RGMA: variants seen among roughly 807,000 people sequenced by gnomAD.
RGMA encodes the protein repulsive guidance molecule BMP co-receptor a.
Under a neutral mutation model 23.2 loss-of-function variants are expected in RGMA, and 10 were observed. That is an observed-to-expected ratio of 0.43 (90% confidence interval 0.27 to 0.73). The LOEUF (loss-of-function observed/expected upper bound fraction) is 0.73. Among genes scored for constraint, RGMA ranks in the 30% least tolerant of loss-of-function variants. The pLI is 0.20. For missense variants in RGMA, 547 were observed against 630.5 expected (o/e 0.87, Z 1.42); for synonymous variants, 308 against 279.3 (o/e 1.10, Z -1.03).
At position 93,070,569 on chromosome 15, in the gene RGMA, A is replaced by C. The variant is rs974675984; in HGVS notation, c.130+2347T>G. Among the ~76,000 whole-genome samples the C allele has an allele frequency of 1.8e-4, 27 of 152,334 alleles. 1 individual carries two copies. The highest frequency in any genetic ancestry group is 1.6e-3 in the Admixed American group (24 of 15,310). On this transcript the variant is annotated intron_variant, in intron 2 of 3. Transcript: ENST00000329082. ...TGGGACAGTCTCTCTCTGTTGTGGA[A>C]ATTTCCCATTTCATCCCTTACTTAA... is the stretch of plus-strand genomic sequence containing the variant.
At chr15:93,088,493 G>A in intron 1 of RGMA, 1 of 991,708 alleles carries the variant, frequency 1.0e-6, no homozygotes, top group Non-Finnish European at 1.2e-6. Context: ...GAGATGGCCA[G>A]GCAGCTCCGC....
chr15:93,059,257 A>T (rs1404944729), intron 2 of RGMA, among the ~76,000 whole-genome samples: 1 of 152,220 alleles, frequency 6.6e-6, no homozygotes, highest in African/African-American at 2.4e-5. Flanking sequence ...ATGCAGCCGC[A>T]GACCCATCTG....
chr15:93,072,282 C>G (rs1895352474), intron 2 of RGMA, among the ~76,000 whole-genome samples: 1 of 152,212 alleles, frequency 6.6e-6, no homozygotes, highest in South Asian at 2.1e-4. Flanking sequence ...TCATTGGAAA[C>G]AGATGGGCTT....
At chr15:93,061,391 C>T (rs983462895) in intron 2 of RGMA, among the ~76,000 whole-genome samples, 8 of 152,208 alleles carry the variant, frequency 5.3e-5, no homozygotes, top group African/African-American at 1.9e-4. Flanking sequence ...CTCAGGTGAT[C>T]CACCTGCCTC....
At chr15:93,057,106 C>A (rs2055027038) in intron 2 of RGMA, among the ~76,000 whole-genome samples, 1 of 152,148 alleles carries the variant, frequency 6.6e-6, no homozygotes, top group African/African-American at 2.4e-5. Context: ...GGATCCAGGT[C>A]CCCCAACTCC....
intron 1 of RGMA, chr15:93,073,535 C>T (rs1895410958): frequency 1.4e-6 from 2 of 1,472,590 alleles, no homozygotes; most frequent in Non-Finnish European, 1.8e-6. Context: ...AGTAGAAAAA[C>T]TGTCCTTGGA....
chr15:93,075,971 C>T (rs1178588365), intron 1 of RGMA, among the ~76,000 whole-genome samples: 1 of 152,218 alleles, frequency 6.6e-6, no homozygotes, highest in Non-Finnish European at 1.5e-5. Context: ...AGGAATCTAG[C>T]TATACTGGCT....
chr15:93,080,937 A>G (rs1164039793), intron 1 of RGMA, among the ~76,000 whole-genome samples: 6 of 152,080 alleles, frequency 3.9e-5, no homozygotes, highest in Admixed American at 3.9e-4. Flanking sequence ...CTTGTCTGAG[A>G]CTTCCTATCA....
Position 93,054,449 on chromosome 15 carries a change from G to A in RGMA, c.131-1942C>T, listed in dbSNP as rs546411412. On this transcript the variant is annotated intron_variant, in intron 2 of 3. Transcript: ENST00000329082. ...GGCCAGGTGGAGATAAGTGAATCAG[G>A]AGGTCATTTCCCCCATACTGTTCTG... Among the ~76,000 whole-genome samples, 3 of 152,022 alleles carry A rather than the reference G, an allele frequency of 2.0e-5. No individual in the cohort carries two copies. In the South Asian group the frequency reaches 6.3e-4, roughly 32 times the overall value.
rs372821134 is a variant in RGMA, at chr15:93,069,606, T to C, written c.130+3310A>G. On this transcript the variant is annotated intron_variant, in intron 2 of 3. Transcript: ENST00000329082. ...AAGAAAGTCTGGAGTGCAATAGTTC[T>C]TAGAACAGCGATCCTCAAACTTGAG... Among the ~76,000 whole-genome samples, 3 of 152,244 alleles carry C rather than the reference T, an allele frequency of 2.0e-5. No homozygotes were observed. In the East Asian group the frequency reaches 5.8e-4, roughly 29 times the overall value.
intron 1 of RGMA, among the ~76,000 whole-genome samples, chr15:93,081,321 T>C (rs1895555826): frequency 6.6e-6 from 1 of 152,216 alleles, no homozygotes; most frequent in African/African-American, 2.4e-5. Context: ...TCTGTAACAC[T>C]TCTGCAGTCC....
At chr15:93,071,909 G>A (rs559450093) in intron 2 of RGMA, among the ~76,000 whole-genome samples, 7 of 152,332 alleles carry the variant, frequency 4.6e-5, no homozygotes, top group African/African-American at 1.7e-4. Context: ...GAAACGGCTG[G>A]GAGATCCCGC....
intron 1 of RGMA, among the ~76,000 whole-genome samples, chr15:93,077,637 C>G (rs533420381): frequency 3.2e-4 from 48 of 152,316 alleles, no homozygotes; most frequent in African/African-American, 1.1e-3. Flanking sequence ...AACATAGGAT[C>G]GGTTTAGGGC....
chr15:93,073,484 G>T, intron 1 of RGMA: 3 of 1,208,546 alleles, frequency 2.5e-6, no homozygotes, highest in Non-Finnish European at 3.4e-6. Context: ...ATGAGGCGGG[G>T]CAGGACGCCC....
intron 1 of RGMA, among the ~76,000 whole-genome samples, chr15:93,077,272 G>C (rs1455549975): frequency 6.6e-6 from 1 of 152,228 alleles, no homozygotes; most frequent in Non-Finnish European, 1.5e-5. Context: ...CACTGTGGGA[G>C]ATGTAAAAAG....
Position 93,045,344 on chromosome 15 carries a change from C to T in RGMA, c.1007G>A (p.Gly336Asp). ...GGCTGCCAGCCTGCGGGCACCGGTG[C>T]CCTCAGCATTGGTGTGGAAGGCCTG... ...DFQAFHTNAE[G>D]TGARRLAAAS... Residue 336 changes from glycine (G) to aspartate (D), a missense_variant, in exon 4 of 4, where the codon GGC (glycine) becomes GAC (aspartate). Around this residue, in one of 3 missense-constraint regions of RGMA, gnomAD observed 205 missense variants for 204.1 expected, o/e 1.00. Transcript: ENST00000329082. The surrounding 1 kb of genome is among the most constrained non-coding windows in gnomAD (Gnocchi z 6.9). 6.2e-7 allele frequency: 1 copy of T among 1,612,482 alleles called. No homozygotes were observed. The highest frequency in any genetic ancestry group is 8.5e-7 in the Non-Finnish European group (1 of 1,179,678).
chr15:93,075,748 G>A (rs1277054534), intron 1 of RGMA, among the ~76,000 whole-genome samples: 1 of 152,206 alleles, frequency 6.6e-6, no homozygotes, highest in Non-Finnish European at 1.5e-5. Flanking sequence ...GACGGGTACT[G>A]GCTGCCTTTT....
intron 1 of RGMA, among the ~76,000 whole-genome samples, chr15:93,082,526 T>C (rs902115473): frequency 1.3e-5 from 2 of 152,234 alleles, no homozygotes; most frequent in African/African-American, 4.8e-5. Context: ...TGCAGTGTTT[T>C]TCCCACCAAA....
intron 1 of RGMA, among the ~76,000 whole-genome samples, chr15:93,084,187 C>CG (rs1895601393): frequency 6.6e-6 from 1 of 152,152 alleles, no homozygotes; most frequent in Non-Finnish European, 1.5e-5. Flanking sequence ...GGCTATGTTC[C>CG]TGTAAGGGGA....
Sources: gnomAD v4.1 joint callset for allele counts (sites outside exome capture counted in the v4.1 genomes callset) on GRCh38, gnomAD v4.1.1 for gene constraint, gnomAD v4.1.1 regional missense constraint, Gnocchi (gnomAD v3.1) non-coding constraint, MANE v1.5 for transcripts, NCBI Gene and HGNC (gene_info 2026-07-23, HGNC 2026-07-21) for gene names.